The following MIB1 variants were observed in gnomAD, a reference collection of about 807,000 sequenced individuals.
MIB1 encodes the protein E3 ubiquitin-protein ligase MIB1.
Under a neutral mutation model 124.5 loss-of-function variants are expected in MIB1, and 278 were observed. That is an observed-to-expected ratio of 2.23 (90% CI 2.02 to 2.47). The LOEUF is 2.47. Ranked by LOEUF, MIB1 falls within the 30% of genes most tolerant of loss-of-function variation. The pLI is 0.00. For missense variants in MIB1, 957 were observed against 1,254.4 expected, an observed-to-expected ratio of 0.76 and a Z score of 3.58; for synonymous variants, 446 against 429.4, an observed-to-expected ratio of 1.04 and a Z score of -0.48.
intron 13 of MIB1, among the ~76,000 whole-genome samples, chr18:21,840,199 A>G (rs1344191370): frequency 2.0e-5 from 3 of 152,228 alleles, no homozygotes; most frequent in Non-Finnish European, 2.9e-5. Context: ...CAGATTACTT[A>G]GTATTTTCTA....
chr18:21,739,868 T>C (rs1402996235), upstream of MIB1, among the ~76,000 whole-genome samples: 1 of 150,614 alleles, frequency 6.6e-6, no homozygotes, highest in African/African-American at 2.5e-5. Flanking sequence ...GGAACGGAGA[T>C]GGCGCCACTG....
intron 10 of MIB1, among the ~76,000 whole-genome samples, chr18:21,808,805 A>G (rs1465807968): frequency 6.6e-6 from 1 of 152,124 alleles, no homozygotes; most frequent in East Asian, 1.9e-4. Context: ...CCACTGATGA[A>G]GTATAATAGT....
At chr18:21,764,232 T>G (rs1202240511) in intron 1 of MIB1, among the ~76,000 whole-genome samples, 1 of 152,062 alleles carries the variant, frequency 6.6e-6, no homozygotes, top group Non-Finnish European at 1.5e-5. Flanking sequence ...TTCGTTCCCT[T>G]CCTCCTTCCT....
At chr18:21,737,075 C>T (rs2040799782), upstream of MIB1, among the ~76,000 whole-genome samples, 1 of 152,088 alleles carries the variant, frequency 6.6e-6, no homozygotes, top group Admixed American at 6.5e-5. Flanking sequence ...TCAGATTCAC[C>T]AAGCTTGAAA....
intron 12 of MIB1, among the ~76,000 whole-genome samples, chr18:21,823,092 G>A (rs2041893404): frequency 6.6e-6 from 1 of 152,056 alleles, no homozygotes. Flanking sequence ...AAATCAGCTG[G>A]GTGTAGTGGT....
At chr18:21,801,070 T>C (rs971857469) in intron 9 of MIB1, among the ~76,000 whole-genome samples, 1 of 152,180 alleles carries the variant, frequency 6.6e-6, no homozygotes, top group Admixed American at 6.6e-5. Flanking sequence ...AGATTTGTTA[T>C]GAAAAATAAC....
At chr18:21,842,091 C>CAA (rs376834305) in intron 13 of MIB1, among the ~76,000 whole-genome samples, 2,092 of 35,544 alleles carry the variant, frequency 0.059, 397 homozygotes, top group African/African-American at 0.078. Flanking sequence ...GACCCTATCT[C>CAA]AAAAAAAAAA....
chr18:21,732,957 A>C (rs1239259432), intron 1 of MIB1, among the ~76,000 whole-genome samples: 1 of 152,202 alleles, frequency 6.6e-6, no homozygotes, highest in Non-Finnish European at 1.5e-5. Flanking sequence ...GAAAGTCAAC[A>C]AGCAAAATCC....
chr18:21,844,008 G>T, intron 14 of MIB1, 84 bp from the exon 15 acceptor site: 3 of 1,356,610 alleles, frequency 2.2e-6, no homozygotes, highest in African/African-American at 1.4e-5. Flanking sequence ...GTAGGTCCAG[G>T]GTGTTCTCAC....
chr18:21,846,014 T>C (rs1568225161), intron 15 of MIB1, among the ~76,000 whole-genome samples: 1 of 152,202 alleles, frequency 6.6e-6, no homozygotes, highest in Non-Finnish European at 1.5e-5. Flanking sequence ...GGATCATGTA[T>C]TCTGTTCTGT....
intron 1 of MIB1, among the ~76,000 whole-genome samples, chr18:21,762,680 AAAAC>A (rs2041111594): frequency 1.3e-5 from 2 of 152,184 alleles, no homozygotes; most frequent in East Asian, 1.9e-4. Flanking sequence ...CTTTAAACTA[AAAAC>A]AAACAAAAAC....
rs1428947721 is a variant in MIB1, at chr18:21,721,179, T to G, written n.167+16056T>G. Among the ~76,000 whole-genome samples the G allele has an allele frequency of 9.8e-5, 11 of 112,460 alleles. No individual in the cohort carries two copies. In the South Asian group the frequency reaches 1.0e-3, roughly 10 times the overall value. The allele number at this position is 112,460 out of a possible 152,430, so 73.8% of individuals were successfully genotyped here. A position where few individuals can be genotyped will look rare whatever the true frequency, so the allele number is the denominator to read the frequency against. On this transcript the variant is annotated intron_variant and non_coding_transcript_variant, in intron 1 of 20. Transcript: ENST00000578646. ...AAGAAGTTTTTTTTTTTTTTTTTTT[T>G]TTTTTTTTTTTTTTTTTTTGAGACA...
At chr18:21,808,211 A>T (rs1449770222) in intron 10 of MIB1, among the ~76,000 whole-genome samples, 1 of 152,184 alleles carries the variant, frequency 6.6e-6, no homozygotes, top group East Asian at 1.9e-4. Context: ...TTCTCTAGTT[A>T]TCTCATTTGG....
intron 2 of MIB1, among the ~76,000 whole-genome samples, chr18:21,768,384 T>A (rs1230152759): frequency 1.3e-5 from 2 of 152,202 alleles, no homozygotes; most frequent in Non-Finnish European, 2.9e-5. Context: ...TGCTTTTACA[T>A]ATTATATAAT....
chr18:21,844,501 G>A (rs1275775522), intron 15 of MIB1, among the ~76,000 whole-genome samples: 3 of 152,078 alleles, frequency 2.0e-5, no homozygotes, highest in Non-Finnish European at 4.4e-5. Context: ...AGGCTGGAGT[G>A]CTTGGCTCAC....
intron 6 of MIB1, among the ~76,000 whole-genome samples, chr18:21,781,411 ATAT>A (rs2041365673): frequency 6.5e-5 from 6 of 92,138 alleles, no homozygotes; most frequent in East Asian, 3.3e-4. Context: ...ATATATATAT[ATAT>A]AAAATTATTA....
intron 10 of MIB1, chr18:21,812,267 T>C (rs1005469893): frequency 2.0e-5 from 3 of 152,262 alleles, no homozygotes; most frequent in African/African-American, 7.2e-5. Flanking sequence ...GAGCCTGATA[T>C]CTGAGGGGAC....
chr18:21,828,919 G>T, intron 12 of MIB1: 1 of 433,854 alleles, frequency 2.3e-6, no homozygotes, highest in South Asian at 1.7e-5. Context: ...TCATGACTAG[G>T]TTAATTTACC....
intron 20 of MIB1, among the ~76,000 whole-genome samples, 195 bp from the exon 21 acceptor site, chr18:21,864,331 A>G (rs2042303180): frequency 6.7e-6 from 1 of 148,386 alleles, no homozygotes; most frequent in Admixed American, 6.8e-5. Flanking sequence ...TACTATCCTG[A>G]TAGTACAACC....
Sources: allele counts gnomAD v4.1 joint callset (sites outside exome capture counted in the v4.1 genomes callset), GRCh38; gene constraint gnomAD v4.1.1; transcripts MANE v1.5; gene names NCBI Gene and HGNC (gene_info 2026-07-23, HGNC 2026-07-21).